Variants in P2RY2 observed in about 807,000 individuals in gnomAD.
P2RY2 encodes purinergic receptor P2Y2.
For synonymous variants in P2RY2, 241 were observed against 231.9 expected (o/e 1.04, Z -0.35); for missense variants, 567 against 515.7 (o/e 1.10, Z -0.96).
In P2RY2 at chr11:73,237,101, C is replaced by T; in HGVS notation, c.*1808C>T. 1.0e-6 allele frequency: 1 copy of T among 985,400 alleles called. No individual in the cohort carries two copies. 61.0% of individuals were successfully genotyped at this position (985,400 alleles called of 1,614,324 possible). A position where few individuals can be genotyped will look rare whatever the true frequency, so the allele number is the denominator to read the frequency against. On this transcript the variant is annotated 3_prime_UTR_variant, in exon 3 of 3. Coordinates refer to ENST00000393597, the MANE Select transcript of P2RY2 (RefSeq NM_002564.4). ...TTGGAGCCTGACTCCACAGCGCCCT[C>T]ATGTGACAGAGACCCATCACAGACC... is the stretch of plus-strand genomic sequence containing the variant.
At chr11:73,231,845 TTC>T (rs1230272469) in intron 2 of P2RY2, among the ~76,000 whole-genome samples, 1 of 152,096 alleles carries the variant, frequency 6.6e-6, no homozygotes, top group East Asian at 1.9e-4. Flanking sequence ...AGGTCAGGAG[TTC>T]GAGACCAGCC....
Position 73,237,226 on chromosome 11 carries a change from A to C in P2RY2, c.*1933A>C, listed in dbSNP as rs1011141050. ...CCTTCTAGGTTCTATACTTCTGTTA[A>C]TGTAGCCGATGTCCTTCTGAGTTTT... On this transcript the variant is annotated 3_prime_UTR_variant, in exon 3 of 3. Coordinates refer to ENST00000393597, the MANE Select transcript of P2RY2 (RefSeq NM_002564.4). The C allele has an allele frequency of 1.8e-6, 1 of 542,696 alleles. No individual in the cohort carries two copies. Among genetic ancestry groups the C allele is most frequent in the African/African-American group, 2.1e-5 (1 of 48,694 alleles). 33.6% of individuals were successfully genotyped at this position (542,696 alleles called of 1,614,324 possible).
At chr11:73,227,263 C>G (rs940321638) in intron 1 of P2RY2, among the ~76,000 whole-genome samples, 2 of 152,140 alleles carry the variant, frequency 1.3e-5, no homozygotes, top group African/African-American at 4.8e-5. Context: ...GGAACTCATC[C>G]TTTTTTATGA....
rs2135647647 is a variant in P2RY2 at position 73,234,921 on chromosome 11, C to T, written c.762C>T (p.Phe254=). 1.2e-6 allele frequency: 2 copies of T among 1,610,960 alleles called. No individual in the cohort carries two copies. Among genetic ancestry groups the T allele is most frequent in the East Asian group, 4.5e-5 (2 of 44,890 alleles). The part of the protein sequence containing the change: ...VRTIAVVLAV[F]ALCFLPFHVT... ...CCATCGCCGTGGTGCTGGCTGTCTT[C>T]GCCCTCTGCTTCCTGCCATTCCACG... The change falls in exon 3 of 3, where the codon TTC becomes TTT. Residue 254 remains phenylalanine, a synonymous_variant. Transcript: ENST00000393597.
In P2RY2 at chr11:73,234,953, G is replaced by A. The variant is rs751543491; in HGVS notation, c.794G>A (p.Arg265His). The A allele has an allele frequency of 3.7e-6, 6 of 1,610,476 alleles. No homozygotes were observed. The highest frequency in any genetic ancestry group is 1.7e-5 in the Admixed American group (1 of 60,002). The change falls in exon 3 of 3, where the codon CGC (arginine) becomes CAC (histidine). Residue 265 changes from arginine to histidine, a missense_variant. By Grantham distance (29) the Arg-to-His change is conservative. Coordinates refer to ENST00000393597, the MANE Select transcript of P2RY2 (RefSeq NM_002564.4). Reference sequence around the variant, plus strand: ...TGCTTCCTGCCATTCCACGTCACCCGCACCCTCTACTACTCCTTCCGCTCG... The same window carrying A: ...TGCTTCCTGCCATTCCACGTCACCCACACCCTCTACTACTCCTTCCGCTCG... ...ALCFLPFHVT[R>H]TLYYSFRSLD...
chr11:73,219,687 C>A (rs777232553), intron 1 of P2RY2, among the ~76,000 whole-genome samples: 6 of 152,258 alleles, frequency 3.9e-5, no homozygotes, highest in Non-Finnish European at 8.8e-5. Flanking sequence ...GGCCTGCCAG[C>A]CTTTCCAGCC....
Position 73,236,043 on chromosome 11 carries a change from C to T in P2RY2, c.*750C>T, listed in dbSNP as rs1359378692. 20 of 999,370 alleles carry T rather than the reference C, an allele frequency of 2.0e-5. No individual in the cohort carries two copies. The highest frequency in any genetic ancestry group is 2.3e-5 in the Non-Finnish European group (19 of 829,260). The allele number at this position is 999,370 out of a possible 1,614,324, so 61.9% of individuals were successfully genotyped here. Reference sequence around the variant, plus strand: ...TTCCCTTCTGCCACCTGCCTTCTCACTAGCTGTCTCAGGAGTAGTCTCATA... The same window carrying T: ...TTCCCTTCTGCCACCTGCCTTCTCATTAGCTGTCTCAGGAGTAGTCTCATA... On this transcript the variant is annotated 3_prime_UTR_variant, in exon 3 of 3. Transcript: ENST00000393597.
intron 1 of P2RY2, among the ~76,000 whole-genome samples, chr11:73,226,059 G>T (rs1862268323): frequency 2.0e-5 from 3 of 152,216 alleles, no homozygotes; most frequent in Admixed American, 1.3e-4. Context: ...CAGTGAGGAG[G>T]CTGCTGCTGT....
At chr11:73,228,997 A>ATTCG (rs776433227) in intron 2 of P2RY2, among the ~76,000 whole-genome samples, 3 of 59,886 alleles carry the variant, frequency 5.0e-5, no homozygotes, top group Non-Finnish European at 1.3e-4. Flanking sequence ...TGCTTGCTTC[A>ATTCG]TTCATTCATT....
At chr11:73,229,156 C>G (rs117368479) in intron 2 of P2RY2, among the ~76,000 whole-genome samples, 242 of 152,256 alleles carry the variant, frequency 1.6e-3, no homozygotes, top group South Asian at 2.9e-3. Context: ...GACAAATTAC[C>G]AACTGGCTGA....
chr11:73,229,453 G>A (rs879507817), intron 2 of P2RY2, among the ~76,000 whole-genome samples: 2 of 152,152 alleles, frequency 1.3e-5, no homozygotes, highest in Non-Finnish European at 2.9e-5. Context: ...GGTCAGGAGA[G>A]GCAGAAGGGA....
intron 2 of P2RY2, among the ~76,000 whole-genome samples, chr11:73,233,840 A>G (rs1175415849): frequency 6.6e-6 from 1 of 152,220 alleles, no homozygotes; most frequent in Non-Finnish European, 1.5e-5. Flanking sequence ...CACAGGCCAT[A>G]TGGTCTTTAT....
chr11:73,236,671 T>A lies in P2RY2; in HGVS notation c.*1378T>A. 1 of 985,410 alleles carries A rather than the reference T, an allele frequency of 1.0e-6. No individual in the cohort carries two copies. Among genetic ancestry groups the A allele is most frequent in the South Asian group, 4.7e-5 (1 of 21,278 alleles). 61.0% of individuals were successfully genotyped at this position (985,410 alleles called of 1,614,324 possible). On this transcript the variant is annotated 3_prime_UTR_variant, in exon 3 of 3. Transcript: ENST00000393597. ...CCAAGTTAGGGCTCCCTCCTTGCCCTGACCCTGAGGCTTCCTTTGCACTGG... is the reference window on the plus strand; with the variant it reads ...CCAAGTTAGGGCTCCCTCCTTGCCCAGACCCTGAGGCTTCCTTTGCACTGG...
chr11:73,235,182 C>A lies in P2RY2; in HGVS notation c.1023C>A (p.Ser341=). 1 of 1,611,432 alleles carries A rather than the reference C, an allele frequency of 6.2e-7. No individual in the cohort carries two copies. The highest frequency in any genetic ancestry group is 8.5e-7 in the Non-Finnish European group (1 of 1,179,756). ...GCCGCAGGCTGGGCCTGCGCAGATCCGACAGAACTGACATGCAGAGGATAG... is the reference window on the plus strand; with the variant it reads ...GCCGCAGGCTGGGCCTGCGCAGATCAGACAGAACTGACATGCAGAGGATAG... ...PARRRLGLRR[S]DRTDMQRIED... Residue 341 remains serine, a synonymous_variant, in exon 3 of 3, where the codon TCC becomes TCA. Coordinates refer to ENST00000393597, the MANE Select transcript of P2RY2 (RefSeq NM_002564.4).
In P2RY2 at chr11:73,242,252, G is replaced by A. The variant is rs947839307; in HGVS notation, c.*6959G>A. ...GAAAAGTCCCCTCCTCTCTGGCGTG[G>A]AATTAAACTGTTAGACCTGCCTTTG... On this transcript the variant is annotated 3_prime_UTR_variant, in exon 3 of 3. Coordinates refer to ENST00000393597, the MANE Select transcript of P2RY2 (RefSeq NM_002564.4). 1 of 152,212 alleles carries A rather than the reference G, an allele frequency of 6.6e-6. No individual in the cohort carries two copies. Among genetic ancestry groups the A allele is most frequent in the Non-Finnish European group, 1.5e-5 (1 of 68,060 alleles). The allele number at this position is 152,212 out of a possible 1,614,324, so 9.4% of individuals were successfully genotyped here. A position where few individuals can be genotyped will look rare whatever the true frequency, so the allele number is the denominator to read the frequency against.
intron 2 of P2RY2, among the ~76,000 whole-genome samples, chr11:73,228,722 G>A (rs1862358502): frequency 6.6e-6 from 1 of 152,206 alleles, no homozygotes; most frequent in Non-Finnish European, 1.5e-5. Flanking sequence ...AGAGGGGCTG[G>A]GTTGTCCCCT....
rs775764023 is a variant in P2RY2, at chr11:73,234,241, A to G, written c.82A>G (p.Asn28Asp). 19 of 1,614,050 alleles carry G rather than the reference A, an allele frequency of 1.2e-5. No individual in the cohort carries two copies. The highest frequency in any genetic ancestry group is 1.5e-5 in the Non-Finnish European group (18 of 1,180,036). ...TGAGCTGGGCTACAGGTGCCGCTTC[A>G]ACGAGGACTTCAAGTACGTGCTGCT... ...GDELGYRCRF[N>D]EDFKYVLLPV... Residue 28 changes from asparagine to aspartate, a missense_variant, in exon 3 of 3, where the codon AAC becomes GAC. By Grantham distance (23) the Asn-to-Asp change is conservative (BLOSUM62 1). Transcript: ENST00000393597.
chr11:73,235,477 A>C lies in P2RY2; in HGVS notation c.*184A>C. Reference sequence around the variant, plus strand: ...TGGTCCAGAGTCAACTGTTCCCATAACCCCTAGTCATCGTTTGTGTGTATA... The same window carrying C: ...TGGTCCAGAGTCAACTGTTCCCATACCCCCTAGTCATCGTTTGTGTGTATA... On this transcript the variant is annotated 3_prime_UTR_variant, in exon 3 of 3. Transcript: ENST00000393597. 1 of 1,336,284 alleles carries C rather than the reference A, an allele frequency of 7.5e-7. No individual in the cohort carries two copies. The highest frequency in any genetic ancestry group is 9.6e-7 in the Non-Finnish European group (1 of 1,040,944). The allele number at this position is 1,336,284 out of a possible 1,614,324, so 82.8% of individuals were successfully genotyped here. A position where few individuals can be genotyped will look rare whatever the true frequency, so the allele number is the denominator to read the frequency against.
At position 73,234,691 on chromosome 11, in the gene P2RY2, G is replaced by A. The variant is rs1484450122; in HGVS notation, c.532G>A (p.Gly178Arg). 7 of 1,603,594 alleles carry A rather than the reference G, an allele frequency of 4.4e-6. No individual in the cohort carries two copies. Among genetic ancestry groups the A allele is most frequent in the African/African-American group, 2.7e-5 (2 of 74,838 alleles). ...CTACTTTGTCACCACCAGCGCGCGC[G>A]GGGGCCGCGTAACCTGCCACGACAC... ...VLYFVTTSAR[G>R]GRVTCHDTSA... is the part of the protein sequence containing the mutation. Residue 178 changes from glycine to arginine, a missense_variant, in exon 3 of 3, where the codon GGG becomes AGG. Physicochemically the swap from Gly to Arg is moderately radical, Grantham distance 125 (BLOSUM62 -2). Transcript: ENST00000393597.
Sources: allele counts gnomAD v4.1 joint callset (sites outside exome capture counted in the v4.1 genomes callset), GRCh38; gene constraint gnomAD v4.1.1; transcripts MANE v1.5; gene names NCBI Gene and HGNC (gene_info 2026-07-23, HGNC 2026-07-21).